Variants in RSU1 observed in about 807,000 individuals in gnomAD.
RSU1 encodes the protein Ras suppressor protein 1.
In RSU1, 26 loss-of-function variants were observed where a neutral mutation model predicts 31.1. That is an observed-to-expected ratio of 0.84 (90% CI 0.61 to 1.16). RSU1 has a LOEUF of 1.16. Among genes scored for constraint, RSU1 ranks in the 50% most tolerant of loss-of-function variants. The probability of loss-of-function intolerance (pLI) is 0.00; values close to 1 mark genes in which losing one functional copy is unlikely to be tolerated. For missense variants in RSU1, 320 were observed against 339.1 expected, an observed-to-expected ratio of 0.94 and a Z score of 0.44; for synonymous variants, 164 against 136.3, an observed-to-expected ratio of 1.20 and a Z score of -1.41.
intron 8 of RSU1, among the ~76,000 whole-genome samples, chr10:16,677,548 C>T (rs1257412485): frequency 2.0e-5 from 3 of 152,130 alleles, no homozygotes; most frequent in Non-Finnish European, 4.4e-5. Flanking sequence ...AAACCCAAGT[C>T]GTCTTGTATC....
intron 8 of RSU1, among the ~76,000 whole-genome samples, chr10:16,602,712 C>T (rs1833733002): frequency 6.6e-6 from 1 of 152,134 alleles, no homozygotes; most frequent in East Asian, 1.9e-4. Flanking sequence ...TTGGGTGTTT[C>T]CATGGCAAGT....
intron 8 of RSU1, among the ~76,000 whole-genome samples, chr10:16,610,013 T>C (rs546272349): frequency 4.9e-4 from 74 of 152,356 alleles, no homozygotes; most frequent in African/African-American, 1.6e-3. Context: ...ATGGAATTAA[T>C]TTTAATATCA....
chr10:16,615,228 G>A (rs775876153), intron 8 of RSU1, among the ~76,000 whole-genome samples: 1 of 151,990 alleles, frequency 6.6e-6, no homozygotes, highest in Non-Finnish European at 1.5e-5. Flanking sequence ...AGCAGGGGTT[G>A]CAATTCTAGT....
intron 8 of RSU1, among the ~76,000 whole-genome samples, chr10:16,610,180 TG>T (rs1833869641): frequency 6.6e-6 from 1 of 152,126 alleles, no homozygotes; most frequent in South Asian, 2.1e-4. Flanking sequence ...CTTTGAACTC[TG>T]GTGAGTATTT....
chr10:16,714,430 G>A (rs1178568263), intron 7 of RSU1, among the ~76,000 whole-genome samples: 1 of 152,206 alleles, frequency 6.6e-6, no homozygotes, highest in Non-Finnish European at 1.5e-5. Context: ...GCATTCAGCT[G>A]CTCTTTGGGT....
intron 4 of RSU1, among the ~76,000 whole-genome samples, chr10:16,758,498 T>C (rs1291056355): frequency 6.6e-6 from 1 of 152,132 alleles, no homozygotes; most frequent in Non-Finnish European, 1.5e-5. Context: ...AGCTTTAAGG[T>C]AGGAGACAGC....
At chr10:16,815,672 C>A (rs2131283851) in intron 2 of RSU1, among the ~76,000 whole-genome samples, 1 of 152,190 alleles carries the variant, frequency 6.6e-6, no homozygotes, top group East Asian at 1.9e-4. Context: ...AGAGAGACTT[C>A]TAGATTAAAA....
In RSU1 at chr10:16,676,859, T is replaced by C. The variant is rs1456668317; in HGVS notation, c.731+18164A>G. Among the ~76,000 whole-genome samples, 4 of 152,166 alleles carry C rather than the reference T, an allele frequency of 2.6e-5. No homozygotes were observed. In the East Asian group the frequency reaches 5.8e-4, roughly 22 times the overall value. On this transcript the variant is annotated intron_variant, in intron 8 of 8. Coordinates refer to ENST00000345264, the MANE Select transcript of RSU1 (RefSeq NM_012425.4). Reference sequence around the variant, plus strand: ...TCAGAGGGTGTATCTAGCAGAAAGATAGATTTGTACTTGTTGTACCAGAAC... The same window carrying C: ...TCAGAGGGTGTATCTAGCAGAAAGACAGATTTGTACTTGTTGTACCAGAAC...
At chr10:16,604,331 C>G (rs1833763302) in intron 8 of RSU1, among the ~76,000 whole-genome samples, 2 of 152,194 alleles carry the variant, frequency 1.3e-5, no homozygotes, top group African/African-American at 4.8e-5. Context: ...ATCAGCAAAG[C>G]TGGAGAGAGA....
intron 7 of RSU1, among the ~76,000 whole-genome samples, chr10:16,734,870 G>A (rs1588501972): frequency 1.3e-5 from 2 of 152,272 alleles, no homozygotes; most frequent in African/African-American, 2.4e-5. Context: ...GGTCATATGA[G>A]TGGATCTTAA....
intron 4 of RSU1, among the ~76,000 whole-genome samples, chr10:16,763,398 C>T (rs1448917355): frequency 6.6e-6 from 1 of 152,168 alleles, no homozygotes; most frequent in African/African-American, 2.4e-5. Flanking sequence ...ATGCTTATTA[C>T]ATGGCAGGAG....
At chr10:16,762,953 C>A (rs1434836636) in intron 4 of RSU1, among the ~76,000 whole-genome samples, 3 of 150,726 alleles carry the variant, frequency 2.0e-5, no homozygotes, top group African/African-American at 7.4e-5. Context: ...GCGGAGGCTG[C>A]AGCTAGCCCA....
At chr10:16,644,086 T>G (rs1408548033) in intron 8 of RSU1, among the ~76,000 whole-genome samples, 1 of 150,112 alleles carries the variant, frequency 6.7e-6, no homozygotes. Context: ...TTTGGTATTG[T>G]AAGGTGGGCA....
chr10:16,594,557 T>C (rs1833573702), intron 8 of RSU1, among the ~76,000 whole-genome samples: 1 of 149,770 alleles, frequency 6.7e-6, no homozygotes, highest in South Asian at 2.1e-4. Context: ...ACTACAGATA[T>C]ATGCCACCAT....
At chr10:16,778,794 G>T (rs945347461) in intron 3 of RSU1, among the ~76,000 whole-genome samples, 1 of 152,202 alleles carries the variant, frequency 6.6e-6, no homozygotes, top group Non-Finnish European at 1.5e-5. Flanking sequence ...CAAATGGAGA[G>T]GAGAGGCTGG....
At chr10:16,629,559 A>G (rs1051204458) in intron 8 of RSU1, among the ~76,000 whole-genome samples, 1 of 152,208 alleles carries the variant, frequency 6.6e-6, no homozygotes, top group African/African-American at 2.4e-5. Context: ...GATTTAATAA[A>G]TATAATTCCC....
chr10:16,620,071 G>C (rs530666865), intron 8 of RSU1, among the ~76,000 whole-genome samples: 1 of 152,222 alleles, frequency 6.6e-6, no homozygotes, highest in Admixed American at 6.5e-5. Flanking sequence ...CGTGAACATT[G>C]CTCTGTTTTG....
rs546375529 is a variant in RSU1 at position 16,645,100 on chromosome 10, C to T, written c.731+49923G>A. ...GATACAAATATATTTTTCCTTAAGC[C>T]ATTAAACACCATAACCAATGGGCAA... is the stretch of plus-strand genomic sequence containing the variant. On this transcript the variant is annotated intron_variant, in intron 8 of 8. Coordinates refer to ENST00000345264, the MANE Select transcript of RSU1 (RefSeq NM_012425.4). 9.9e-4 allele frequency among the ~76,000 whole-genome samples: 151 copies of T among 152,262 alleles called. 1 individual carries two copies. Among genetic ancestry groups the T allele is most frequent in the Non-Finnish European group, 1.5e-3 (100 of 68,020 alleles).
At chr10:16,679,153 T>C (rs1299956056) in intron 8 of RSU1, among the ~76,000 whole-genome samples, 3 of 152,196 alleles carry the variant, frequency 2.0e-5, no homozygotes, top group African/African-American at 4.8e-5. Context: ...AACAATGAAC[T>C]GTATAACTTG....
Sources: gnomAD v4.1 joint callset for allele counts (sites outside exome capture counted in the v4.1 genomes callset) on GRCh38, gnomAD v4.1.1 for gene constraint, MANE v1.5 for transcripts, NCBI Gene and HGNC (gene_info 2026-07-23, HGNC 2026-07-21) for gene names.